The following PHAF1 variants were observed in gnomAD, a reference collection of about 807,000 sequenced individuals.
PHAF1 encodes the protein phagosome assembly factor 1.
A neutral mutation model predicts 63.1 loss-of-function variants in PHAF1; 23 were observed. The observed-to-expected ratio is 0.36, with a 90% confidence interval of 0.26 to 0.52. The LOEUF is 0.52. Ranked by LOEUF, PHAF1 falls within the 20% of genes least tolerant of loss-of-function variation. PHAF1 has a pLI of 0.93. For missense variants in PHAF1, 427 were observed against 517.2 expected, an observed-to-expected ratio of 0.83 and a Z score of 1.69; for synonymous variants, 167 against 185.0, an observed-to-expected ratio of 0.90 and a Z score of 0.79.
intron 2 of PHAF1, among the ~76,000 whole-genome samples, chr16:67,125,249 C>G (rs1963140723): frequency 6.6e-6 from 1 of 152,190 alleles, no homozygotes; most frequent in Admixed American, 6.5e-5. Flanking sequence ...CTGTCCACTG[C>G]TTTGTTCTGC....
chr16:67,138,995 T>C (rs1284067680), intron 8 of PHAF1, among the ~76,000 whole-genome samples: 1 of 152,160 alleles, frequency 6.6e-6, no homozygotes, highest in Non-Finnish European at 1.5e-5. Flanking sequence ...CTTAGCTCAC[T>C]GCAGTCTCTG....
chr16:67,138,014 C>G (rs1963672967), intron 8 of PHAF1, among the ~76,000 whole-genome samples: 1 of 152,190 alleles, frequency 6.6e-6, no homozygotes, highest in Non-Finnish European at 1.5e-5. Flanking sequence ...GTTCAGCCAT[C>G]TGGTCTCCAC....
intron 8 of PHAF1, chr16:67,134,829 C>T (rs1567649689): frequency 2.4e-6 from 1 of 422,966 alleles, no homozygotes. Context: ...CTCCCAAAGC[C>T]CTGACCTTCT....
chr16:67,145,440 C>G, intron 13 of PHAF1, 21 bp downstream of exon 13: 2 of 1,614,148 alleles, frequency 1.2e-6, no homozygotes, highest in Non-Finnish European at 1.7e-6. Flanking sequence ...ATCTTCCTAC[C>G]TGGCATAGCC....
At chr16:67,126,596 T>G (rs1279619241) in intron 3 of PHAF1, among the ~76,000 whole-genome samples, 3 of 121,760 alleles carry the variant, frequency 2.5e-5, no homozygotes, top group African/African-American at 8.6e-5. Context: ...TTGTTTTTGG[T>G]TTTTTTTTTT....
intron 8 of PHAF1, among the ~76,000 whole-genome samples, chr16:67,137,154 CAAA>C (rs1169960632): frequency 4.7e-5 from 5 of 107,236 alleles, no homozygotes; most frequent in Non-Finnish European, 9.8e-5. Context: ...GACTCCTTCT[CAAA>C]AAAAAAAAAA....
intron 1 of PHAF1, among the ~76,000 whole-genome samples, chr16:67,119,850 C>T (rs1472637253): frequency 6.6e-6 from 1 of 152,078 alleles, no homozygotes; most frequent in African/African-American, 2.4e-5. Flanking sequence ...TTGTGATATC[C>T]ACCACCACAG....
At position 67,120,209 on chromosome 16, in the gene PHAF1, A is replaced by T; in HGVS notation, c.147+15A>T. 6.2e-7 allele frequency: 1 copy of T among 1,607,484 alleles called. No individual in the cohort carries two copies. The highest frequency in any genetic ancestry group is 8.5e-7 in the Non-Finnish European group (1 of 1,174,902). ...ACAGTGAACAGGTGAGTGGTGGCTG[A>T]TTTGTTTATTGAAATAGCATCCCTC... On this transcript the variant is annotated intron_variant, in intron 2 of 15. Transcript: ENST00000219139.
intron 1 of PHAF1, among the ~76,000 whole-genome samples, chr16:67,113,908 G>A (rs1040536237): frequency 6.6e-6 from 1 of 151,836 alleles, no homozygotes; most frequent in Non-Finnish European, 1.5e-5. Context: ...TCACGATGTT[G>A]ACCAGGCTGG....
chr16:67,118,142 T>C (rs971405458), intron 1 of PHAF1, among the ~76,000 whole-genome samples: 22 of 144,864 alleles, frequency 1.5e-4, no homozygotes, highest in Admixed American at 2.1e-4. Context: ...TTTTTTTTTT[T>C]TTTTTCTTTT....
chr16:67,117,929 CAG>C (rs1962806115), intron 1 of PHAF1, among the ~76,000 whole-genome samples: 1 of 148,868 alleles, frequency 6.7e-6, no homozygotes, highest in Non-Finnish European at 1.5e-5. Context: ...GCTGGGATGA[CAG>C]GGGCACACCA....
In PHAF1 at chr16:67,125,434, A is replaced by G. The variant is rs942744475; in HGVS notation, c.148-525A>G. Among the ~76,000 whole-genome samples the G allele has an allele frequency of 5.8e-4, 89 of 152,364 alleles. 1 individual carries two copies. Among genetic ancestry groups the G allele is most frequent in the African/African-American group, 2.0e-3 (84 of 41,588 alleles). On this transcript the variant is annotated intron_variant, in intron 2 of 15. Transcript: ENST00000219139. ...AGATCACAATATATTTCTTTGTCCT[A>G]GAATTTGATCTAAACCATCAAAGAA...
intron 8 of PHAF1, among the ~76,000 whole-genome samples, chr16:67,136,770 G>A (rs1248272129): frequency 6.6e-6 from 1 of 151,522 alleles, no homozygotes; most frequent in Non-Finnish European, 1.5e-5. Context: ...TTGTAGACAC[G>A]TGGTCTCCCT....
Position 67,131,343 on chromosome 16 carries a change from C to T in PHAF1, c.275+14C>T. On this transcript the variant is annotated intron_variant, in intron 4 of 15. Transcript: ENST00000219139. The stretch of plus-strand genomic sequence containing the variant: ...GTTAAAATATTGGTAAGTTTTCTCC[C>T]CTGCTGGTATATGTCACACTTGGTA... The T allele has an allele frequency of 6.4e-7, 1 of 1,565,502 alleles. No individual in the cohort carries two copies.
At chr16:67,142,883 G>A (rs998455415) in intron 10 of PHAF1, among the ~76,000 whole-genome samples, 9 of 152,182 alleles carry the variant, frequency 5.9e-5, no homozygotes, top group Non-Finnish European at 1.0e-4. Context: ...TGCTCCAGTC[G>A]GCATCCTTGC....
At chr16:67,139,928 A>C in intron 8 of PHAF1, 56 bp from the exon 9 acceptor site, 1 of 1,605,586 alleles carries the variant, frequency 6.2e-7, no homozygotes. Flanking sequence ...GGGCCCCCAG[A>C]GAGGGTCTCT....
intron 1 of PHAF1, among the ~76,000 whole-genome samples, chr16:67,111,746 T>G (rs552819322): frequency 7.9e-5 from 12 of 152,054 alleles, no homozygotes; most frequent in Non-Finnish European, 1.2e-4. Context: ...TCAGCCTCCC[T>G]ACTAGTAGCT....
At chr16:67,131,383 C>T (rs961542961) in intron 4 of PHAF1, 54 bp downstream of exon 4, 15 of 1,240,372 alleles carry the variant, frequency 1.2e-5, no homozygotes, top group Non-Finnish European at 1.6e-5. Flanking sequence ...CAGGCCATAT[C>T]TACTATCTTC....
intron 2 of PHAF1, 26 bp from the exon 3 acceptor site, chr16:67,125,931 CAG>C: frequency 6.6e-7 from 1 of 1,513,464 alleles, no homozygotes; most frequent in Non-Finnish European, 9.1e-7. Flanking sequence ...ATCAGTTACT[CAG>C]AATGTATTTT....
Sources: gnomAD v4.1 joint callset for allele counts (sites outside exome capture counted in the v4.1 genomes callset) on GRCh38, gnomAD v4.1.1 for gene constraint, MANE v1.5 for transcripts, NCBI Gene and HGNC (gene_info 2026-07-23, HGNC 2026-07-21) for gene names.